DYNLRB1: variants seen among roughly 807,000 people sequenced by gnomAD.
DYNLRB1 encodes dynein light chain roadblock-type 1.
In DYNLRB1, 6 loss-of-function variants were observed where a neutral mutation model predicts 13.5. The ratio of observed to expected loss-of-function variants is 0.44; its 90% confidence interval spans 0.24 to 0.88. The LOEUF is 0.88. Ranked by LOEUF, DYNLRB1 falls within the 40% of genes least tolerant of loss-of-function variation. The pLI is 0.21. For synonymous variants in DYNLRB1, 43 were observed against 45.0 expected (o/e 0.96, Z 0.18); for missense variants, 93 against 127.2 (o/e 0.73, Z 1.29).
At chr20:34,522,336 A>G (rs544522799) in intron 1 of DYNLRB1, among the ~76,000 whole-genome samples, 1 of 152,160 alleles carries the variant, frequency 6.6e-6, no homozygotes, top group Non-Finnish European at 1.5e-5. Flanking sequence ...AGAAGAGAGC[A>G]TGTGTCTGAA....
chr20:34,540,267 C>A (rs988580899), intron 3 of DYNLRB1, among the ~76,000 whole-genome samples: 1 of 152,138 alleles, frequency 6.6e-6, no homozygotes, highest in Non-Finnish European at 1.5e-5. Flanking sequence ...GAACTGGAGT[C>A]CCCCCACCTG....
intron 2 of DYNLRB1, among the ~76,000 whole-genome samples, chr20:34,528,338 A>C (rs1205224555): frequency 1.6e-4 from 6 of 38,642 alleles, no homozygotes; most frequent in African/African-American, 5.1e-4. Context: ...AAAAAAAAAA[A>C]AAAAAACTAC....
At chr20:34,537,733 C>T (rs954884966) in intron 3 of DYNLRB1, among the ~76,000 whole-genome samples, 3 of 152,200 alleles carry the variant, frequency 2.0e-5, no homozygotes, top group South Asian at 2.1e-4. Flanking sequence ...TGGCCACAGG[C>T]GTAGAGCAGG....
At chr20:34,518,362 A>G (rs1469810807) in intron 1 of DYNLRB1, among the ~76,000 whole-genome samples, 2 of 152,092 alleles carry the variant, frequency 1.3e-5, no homozygotes, top group Admixed American at 1.3e-4. Context: ...GTGGTTCCAT[A>G]CGAATTTTAG....
At chr20:34,522,948 GTATT>G (rs1979875027) in intron 1 of DYNLRB1, among the ~76,000 whole-genome samples, 2 of 152,188 alleles carry the variant, frequency 1.3e-5, no homozygotes. Context: ...TGTTCCTTCA[GTATT>G]TATTGAGCCT....
chr20:34,527,322 T>C (rs935823612), intron 2 of DYNLRB1, among the ~76,000 whole-genome samples: 13 of 152,242 alleles, frequency 8.5e-5, no homozygotes, highest in African/African-American at 3.1e-4. Flanking sequence ...ATCTCCTGAC[T>C]AGCTTTGTGA....
At chr20:34,516,421 T>C (rs748171907), upstream of DYNLRB1, 5 of 1,612,132 alleles carry the variant, frequency 3.1e-6, no homozygotes, top group Non-Finnish European at 4.2e-6. Flanking sequence ...CAGGACTCGC[T>C]AAGTGTTCGC....
chr20:34,520,495 G>T (rs949730676), intron 1 of DYNLRB1, among the ~76,000 whole-genome samples: 2 of 152,160 alleles, frequency 1.3e-5, no homozygotes, highest in African/African-American at 4.8e-5. Context: ...TGCCCAGACT[G>T]GAGTTCAGTG....
chr20:34,530,131 C>T, intron 2 of DYNLRB1: 1 of 1,227,234 alleles, frequency 8.1e-7, no homozygotes, highest in Non-Finnish European at 1.0e-6. Context: ...CCCCAGGCTT[C>T]CACATGAACT....
chr20:34,540,477 C>A (rs1981490529), intron 3 of DYNLRB1, 104 bp from the exon 4 acceptor site: 2 of 1,084,860 alleles, frequency 1.8e-6, no homozygotes, highest in Non-Finnish European at 2.7e-6. Context: ...TGCTTTCTCC[C>A]CTTCCTCATT....
At chr20:34,522,949 T>A (rs888124937) in intron 1 of DYNLRB1, among the ~76,000 whole-genome samples, 1 of 152,238 alleles carries the variant, frequency 6.6e-6, no homozygotes, top group Admixed American at 6.5e-5. Context: ...GTTCCTTCAG[T>A]ATTTATTGAG....
At chr20:34,516,342 C>T (rs1002083682), upstream of DYNLRB1, 26 of 1,458,230 alleles carry the variant, frequency 1.8e-5, no homozygotes, top group African/African-American at 2.9e-4. Flanking sequence ...CCCCGCCTCA[C>T]GCTGGCTCCT....
intron 1 of DYNLRB1, among the ~76,000 whole-genome samples, chr20:34,525,477 A>G (rs1980118419): frequency 6.6e-6 from 1 of 152,170 alleles, no homozygotes; most frequent in Admixed American, 6.5e-5. Context: ...GACTCCATCA[A>G]CTGGGGGATC....
intron 3 of DYNLRB1, chr20:34,535,560 T>A (rs996134931): frequency 1.1e-6 from 1 of 877,858 alleles, no homozygotes; most frequent in Non-Finnish European, 1.4e-6. Flanking sequence ...CTCTCACTCA[T>A]GGACTGGGGT....
chr20:34,516,357 G>A (rs1979162546), upstream of DYNLRB1: 1 of 1,490,484 alleles, frequency 6.7e-7, no homozygotes, highest in Non-Finnish European at 9.0e-7. Flanking sequence ...GCTCCTGATA[G>A]GCAGCTAGAG....
At chr20:34,525,694 T>TA (rs1052686119) in intron 1 of DYNLRB1, among the ~76,000 whole-genome samples, 1 of 152,028 alleles carries the variant, frequency 6.6e-6, no homozygotes, top group Non-Finnish European at 1.5e-5. Context: ...CCCCTCCACT[T>TA]ACAGATGCCA....
chr20:34,529,556 T>C (rs1980532885), intron 2 of DYNLRB1, among the ~76,000 whole-genome samples: 1 of 151,858 alleles, frequency 6.6e-6, no homozygotes, highest in South Asian at 2.1e-4. Context: ...TGGTGAAACC[T>C]TGTCTCTACT....
rs111421208 is a variant in DYNLRB1, at chr20:34,526,327, C to T, written c.63C>T (p.Ile21=). The change falls in exon 2 of 4, where the codon ATC becomes ATT. Residue 21 remains isoleucine, a synonymous_variant. Transcript: ENST00000357156. ...LQSQKGVQGI[I]VVNTEGIPIK... is the part of the protein sequence containing the mutation. ...GCCAGAAGGGAGTGCAGGGAATCATCGTCGTGAACACAGAAGGTACGCCCT... is the reference window on the plus strand; with the variant it reads ...GCCAGAAGGGAGTGCAGGGAATCATTGTCGTGAACACAGAAGGTACGCCCT... 3.7e-6 allele frequency: 6 copies of T among 1,613,910 alleles called. No homozygotes were observed. The Admixed American group carries it at 5.0e-5, about 13-fold the overall frequency.
chr20:34,538,641 TTG>T (rs1396341480), intron 3 of DYNLRB1, among the ~76,000 whole-genome samples: 1 of 152,116 alleles, frequency 6.6e-6, no homozygotes, highest in East Asian at 1.9e-4. Flanking sequence ...TATCAGTGGC[TTG>T]TTAATTATTT....
Sources: allele counts gnomAD v4.1 joint callset (sites outside exome capture counted in the v4.1 genomes callset), GRCh38; gene constraint gnomAD v4.1.1; transcripts MANE v1.5; gene names NCBI Gene and HGNC (gene_info 2026-07-23, HGNC 2026-07-21).